The following UNC45B variants were observed in gnomAD, a reference collection of about 807,000 sequenced individuals.
UNC45B encodes unc-45 myosin chaperone B.
In UNC45B, 78 loss-of-function variants were observed where a neutral mutation model predicts 98.7. The observed-to-expected ratio is 0.79, with a 90% CI of 0.66 to 0.95. The LOEUF (loss-of-function observed/expected upper bound fraction) is 0.95. UNC45B is among the 40% of genes least tolerant of loss of function. UNC45B has a pLI of 0.00. For synonymous variants in UNC45B, 462 were observed against 480.4 expected, an observed-to-expected ratio of 0.96 and a Z score of 0.50; for missense variants, 1,225 against 1,184.9, an observed-to-expected ratio of 1.03 and a Z score of -0.50.
At chr17:35,169,792 G>C in intron 10 of UNC45B, 45 bp from the exon 11 acceptor site, 1 of 1,562,470 alleles carries the variant, frequency 6.4e-7, no homozygotes, top group South Asian at 1.1e-5. Context: ...CCAAGCCTTG[G>C]TGTCTCTGAT....
rs746416582 is a variant in UNC45B at position 35,186,436 on chromosome 17, G to A, written c.2667G>A (p.Leu889=). ...CCAAGAAGCTGGTGGAGAGTGAGCT[G>A]CTGGAGATCCTGACTGTGGTGGGCA... ...ELAKKLVESE[L]LEILTVVGKQ... The change falls in exon 20 of 20, where the codon CTG becomes CTA. Residue 889 remains leucine (L), a synonymous_variant. Transcript: ENST00000394570. 3 of 1,614,244 alleles carry A rather than the reference G, an allele frequency of 1.9e-6. No individual in the cohort carries two copies. Among genetic ancestry groups the A allele is most frequent in the Non-Finnish European group, 2.5e-6 (3 of 1,180,048 alleles).
In UNC45B at chr17:35,168,306, T is replaced by A; in HGVS notation, c.1397T>A (p.Leu466His). 1 of 1,435,056 alleles carries A rather than the reference T, an allele frequency of 7.0e-7. No individual in the cohort carries two copies. Among genetic ancestry groups the A allele is most frequent in the South Asian group, 1.6e-5 (1 of 60,736 alleles). The allele number at this position is 1,435,056 out of a possible 1,614,324, so 88.9% of individuals were successfully genotyped here. Residue 466 changes from leucine (L) to histidine (H), a missense_variant, in exon 10 of 20, where the codon CTC becomes CAC. Transcript: ENST00000394570. ...TFIITNGVSL[L>H]KQIYKTTKNE... ...ATCATCACCAATGGAGTGTCACTGC[T>A]CAAACAGATCTACAAGACCACCAAA...
chr17:35,175,615 A>G (rs928360660), intron 14 of UNC45B, among the ~76,000 whole-genome samples: 40 of 152,182 alleles, frequency 2.6e-4, no homozygotes, highest in African/African-American at 9.4e-4. Context: ...ATCCATAGGA[A>G]GAGCTGGTGC....
At chr17:35,167,945 C>A in intron 9 of UNC45B, 116 bp from the exon 10 acceptor site, 1 of 1,005,378 alleles carries the variant, frequency 9.9e-7, no homozygotes, top group Non-Finnish European at 1.3e-6. Context: ...CCCAATATCA[C>A]ACAGCACATG....
In UNC45B at chr17:35,168,162, G is replaced by A; in HGVS notation, c.1253G>A (p.Gly418Glu). 1.9e-6 allele frequency: 3 copies of A among 1,607,162 alleles called. No individual in the cohort carries two copies. Among genetic ancestry groups the A allele is most frequent in the Non-Finnish European group, 1.7e-6 (2 of 1,176,432 alleles). Residue 418 changes from glycine to glutamate, a missense_variant, in exon 10 of 20, where the codon GGA (glycine) becomes GAA (glutamate). Coordinates refer to ENST00000394570, the MANE Select transcript of UNC45B (RefSeq NM_001267052.2). The stretch of plus-strand genomic sequence containing the variant: ...TTTGACCTGGGCAACCAGCTGCTGG[G>A]ACTGAAAGGTGTGATGGAGATGATG... ...GPFDLGNQLLGLKGVMEMMVA... is the reference protein window; with the variant it reads ...GPFDLGNQLLELKGVMEMMVA...
intron 18 of UNC45B, 72 bp from the exon 19 acceptor site, chr17:35,183,355 A>T: frequency 7.1e-7 from 1 of 1,410,204 alleles, no homozygotes; most frequent in Non-Finnish European, 9.3e-7. Context: ...AGAACTTCAG[A>T]TGTATCTTTC....
chr17:35,162,144 G>A (rs568407441), intron 8 of UNC45B, among the ~76,000 whole-genome samples: 7 of 152,278 alleles, frequency 4.6e-5, no homozygotes, highest in Non-Finnish European at 1.0e-4. Context: ...AGTTCTGTGA[G>A]CCATTCTAGC....
intron 11 of UNC45B, 62 bp from the exon 12 acceptor site, chr17:35,170,052 C>T (rs777140945): frequency 4.2e-5 from 68 of 1,600,836 alleles, no homozygotes; most frequent in Middle Eastern, 1.7e-4. Context: ...ACCCTGAAAT[C>T]GCTTCACCCT....
chr17:35,150,235 C>A lies in UNC45B; in HGVS notation c.381+12C>A, dbSNP rs1432665008. On this transcript the variant is annotated intron_variant, in intron 4 of 19. Transcript: ENST00000394570. The stretch of plus-strand genomic sequence containing the variant: ...GCATTCAGGAGAAGGTGAGCTGGGC[C>A]TCTTCCCACAACCCTTGGCTGCCCA... 1 of 1,601,612 alleles carries A rather than the reference C, an allele frequency of 6.2e-7. No individual in the cohort carries two copies. Among genetic ancestry groups the A allele is most frequent in the Admixed American group, 1.7e-5 (1 of 58,980 alleles).
At chr17:35,160,049 G>C (rs1438096686) in intron 8 of UNC45B, among the ~76,000 whole-genome samples, 2 of 152,190 alleles carry the variant, frequency 1.3e-5, no homozygotes, top group Non-Finnish European at 2.9e-5. Flanking sequence ...TCTGTGGTCT[G>C]AGCCTTTCTC....
Position 35,165,164 on chromosome 17 carries a change from A to G in UNC45B, c.1151+998A>G, listed in dbSNP as rs116443672. Among the ~76,000 whole-genome samples, 857 of 152,308 alleles carry G rather than the reference A, an allele frequency of 5.6e-3. 4 individuals are homozygous for G. The highest frequency in any genetic ancestry group is 0.02 in the African/African-American group (812 of 41,578). ...CAGGCATCAACTACCTTGCCCAGCC[A>G]TGGACATATTTTATACCTACCACTG... On this transcript the variant is annotated intron_variant, in intron 9 of 19. Transcript: ENST00000394570.
chr17:35,171,283 C>A (rs777802765), intron 12 of UNC45B, 39 bp from the exon 13 acceptor site: 2 of 1,604,030 alleles, frequency 1.2e-6, no homozygotes, highest in East Asian at 4.5e-5. Flanking sequence ...CCTAAAGTTT[C>A]CTTTCTGCTT....
chr17:35,176,977 G>T, intron 15 of UNC45B, 40 bp from the exon 16 acceptor site: 1 of 1,538,586 alleles, frequency 6.5e-7, no homozygotes, highest in South Asian at 1.1e-5. Flanking sequence ...GAAGCCTCTG[G>T]ATGTCTGTGA....
In UNC45B at chr17:35,154,639, T is replaced by C; in HGVS notation, c.537T>C (p.Asn179=). The change falls in exon 6 of 20, where the codon AAT becomes AAC. Residue 179 remains asparagine (N), a synonymous_variant. Transcript: ENST00000394570. ...EAGAEKIFQN[N]GVALLLQLLD... ...GGGCTGAGAAGATCTTCCAGAACAA[T>C]GGAGTAGCCTTGCTACTGCAGCTTC... 1 of 1,613,566 alleles carries C rather than the reference T, an allele frequency of 6.2e-7. No individual in the cohort carries two copies. Among genetic ancestry groups the C allele is most frequent in the Non-Finnish European group, 8.5e-7 (1 of 1,179,842 alleles).
chr17:35,174,401 A>G, intron 14 of UNC45B, 32 bp downstream of exon 14: 1 of 1,613,554 alleles, frequency 6.2e-7, no homozygotes, highest in Non-Finnish European at 8.5e-7. Flanking sequence ...GCTTGGAACT[A>G]GGGCTGGGGG....
intron 19 of UNC45B, among the ~76,000 whole-genome samples, chr17:35,185,049 C>T (rs959556659): frequency 1.3e-5 from 2 of 152,222 alleles, no homozygotes; most frequent in Admixed American, 6.5e-5. Flanking sequence ...TACACTTCAG[C>T]GTAGAAACTT....
intron 8 of UNC45B, among the ~76,000 whole-genome samples, chr17:35,159,862 T>C (rs868651640): frequency 6.6e-6 from 1 of 152,180 alleles, no homozygotes; most frequent in African/African-American, 2.4e-5. Context: ...GTTGGTAAAA[T>C]ACTTCACAGG....
At chr17:35,170,402 T>A in intron 12 of UNC45B, 147 bp downstream of exon 12, 1 of 1,011,890 alleles carries the variant, frequency 9.9e-7, no homozygotes, top group Non-Finnish European at 1.3e-6. Context: ...TTTCTGGCCC[T>A]CATTTTACCT....
rs138073210 is a variant in UNC45B, at chr17:35,155,690, C to T, written c.808+226C>T. Among the ~76,000 whole-genome samples the T allele has an allele frequency of 3.2e-3, 492 of 152,290 alleles. 4 individuals are homozygous for T. Among genetic ancestry groups the T allele is most frequent in the African/African-American group, 0.011 (450 of 41,552 alleles). On this transcript the variant is annotated intron_variant, in intron 7 of 19. Transcript: ENST00000394570. ...ATTCAAGCACTTCTCCTGCCTCAGC[C>T]TCCCGAGTATCTGGGACTACAGGCA...
Sources: allele counts gnomAD v4.1 joint callset (sites outside exome capture counted in the v4.1 genomes callset), GRCh38; gene constraint gnomAD v4.1.1; transcripts MANE v1.5; gene names NCBI Gene and HGNC (gene_info 2026-07-23, HGNC 2026-07-21).